The following CEP128 variants were observed in gnomAD, a reference collection of about 807,000 sequenced individuals.
CEP128 encodes the protein centrosomal protein 128kDa.
In CEP128, 132 loss-of-function variants were observed where a neutral mutation model predicts 156.7. The observed-to-expected ratio is 0.84, with a 90% confidence interval of 0.73 to 0.97. The LOEUF (loss-of-function observed/expected upper bound fraction) is 0.97, where lower values mean the gene tolerates loss of function less well. Among genes scored for constraint, CEP128 ranks in the 50% least tolerant of loss-of-function variants. The probability of loss-of-function intolerance (pLI) is 0.00; values close to 1 mark genes in which losing one functional copy is unlikely to be tolerated. For missense variants in CEP128, 1,252 were observed against 1,281.9 expected (o/e 0.98, Z 0.36); for synonymous variants, 469 against 448.9 (o/e 1.04, Z -0.57).
chr14:80,765,116 G>A (rs566040365), intron 16 of CEP128, among the ~76,000 whole-genome samples: 18 of 152,302 alleles, frequency 1.2e-4, no homozygotes, highest in African/African-American at 4.1e-4. Flanking sequence ...GGCTAAGATC[G>A]AGTGTGGAGA....
intron 19 of CEP128, among the ~76,000 whole-genome samples, chr14:80,669,826 G>T (rs1477386465): frequency 6.6e-6 from 1 of 152,098 alleles, no homozygotes; most frequent in Non-Finnish European, 1.5e-5. Flanking sequence ...TGCCATTCTT[G>T]CATGGCTACA....
At chr14:80,701,370 C>A (rs1353360148) in intron 19 of CEP128, among the ~76,000 whole-genome samples, 1 of 152,120 alleles carries the variant, frequency 6.6e-6, no homozygotes, top group Non-Finnish European at 1.5e-5. Context: ...GAGTGAAGAT[C>A]AAGCTGGCCA....
chr14:80,880,938 T>A (rs557486515), intron 8 of CEP128, among the ~76,000 whole-genome samples: 1 of 143,466 alleles, frequency 7.0e-6, no homozygotes, highest in Non-Finnish European at 1.5e-5. Context: ...AATCAACACA[T>A]AGAAATTACT....
At chr14:80,534,240 A>C (rs1301875113) in intron 21 of CEP128, among the ~76,000 whole-genome samples, 1 of 150,764 alleles carries the variant, frequency 6.6e-6, no homozygotes, top group Non-Finnish European at 1.5e-5. Context: ...TTTTTTTTTA[A>C]TTTAAGATTG....
At chr14:80,790,748 C>T (rs1290373373) in intron 14 of CEP128, among the ~76,000 whole-genome samples, 1 of 151,646 alleles carries the variant, frequency 6.6e-6, no homozygotes, top group Non-Finnish European at 1.5e-5. Flanking sequence ...AGCTTTTTGC[C>T]GTTTTGTATA....
At chr14:80,512,563 G>C (rs1481469580) in intron 23 of CEP128, among the ~76,000 whole-genome samples, 1 of 151,744 alleles carries the variant, frequency 6.6e-6, no homozygotes, top group East Asian at 1.9e-4. Context: ...CTTCTGATTG[G>C]AGAATTTAGT....
intron 19 of CEP128, among the ~76,000 whole-genome samples, chr14:80,593,178 A>G (rs1892155323): frequency 6.6e-6 from 1 of 152,182 alleles, no homozygotes; most frequent in Non-Finnish European, 1.5e-5. Flanking sequence ...TACCAGAAAT[A>G]AATGGTATTC....
chr14:80,722,473 T>A (rs1284064714), intron 19 of CEP128, among the ~76,000 whole-genome samples: 1 of 152,002 alleles, frequency 6.6e-6, no homozygotes, highest in East Asian at 1.9e-4. Flanking sequence ...CACTAACATA[T>A]GTATATGTGA....
chr14:80,678,621 T>C (rs1275000228), intron 19 of CEP128, among the ~76,000 whole-genome samples: 1 of 152,160 alleles, frequency 6.6e-6, no homozygotes, highest in Admixed American at 6.5e-5. Context: ...AAACAGCTGG[T>C]AACAGTGAAT....
chr14:80,729,127 G>GTGTGT (rs1222842349), intron 19 of CEP128, among the ~76,000 whole-genome samples: 17 of 115,114 alleles, frequency 1.5e-4, no homozygotes, highest in African/African-American at 4.7e-4. Flanking sequence ...GTGTGTGTGT[G>GTGTGT]TTTACCCAGT....
intron 19 of CEP128, among the ~76,000 whole-genome samples, chr14:80,640,641 T>A (rs1412427462): frequency 1.3e-5 from 2 of 152,188 alleles, no homozygotes; most frequent in East Asian, 3.9e-4. Context: ...ATGTGAATCC[T>A]CTCCAGGGTT....
chr14:80,767,677 A>G (rs183409275), intron 16 of CEP128, among the ~76,000 whole-genome samples: 142 of 152,246 alleles, frequency 9.3e-4, no homozygotes, highest in Non-Finnish European at 1.3e-3. Flanking sequence ...GTTCTTGCAC[A>G]GGAATATTAG....
chr14:80,669,666 A>C (rs939718358), intron 19 of CEP128, among the ~76,000 whole-genome samples: 2 of 152,166 alleles, frequency 1.3e-5, no homozygotes, highest in African/African-American at 4.8e-5. Flanking sequence ...AAAAAATAGC[A>C]ATGTTGGCAA....
chr14:80,910,181 G>A (rs376589214), intron 4 of CEP128, among the ~76,000 whole-genome samples: 1 of 152,108 alleles, frequency 6.6e-6, no homozygotes, highest in East Asian at 1.9e-4. Flanking sequence ...TAAAGATTAG[G>A]TCTATTCTTT....
At chr14:80,655,200 T>G (rs1173841649) in intron 19 of CEP128, among the ~76,000 whole-genome samples, 1 of 152,210 alleles carries the variant, frequency 6.6e-6, no homozygotes, top group East Asian at 1.9e-4. Context: ...CAAGACATTA[T>G]ACAGTGGAAT....
intron 21 of CEP128, among the ~76,000 whole-genome samples, chr14:80,558,860 C>T (rs972149032): frequency 6.6e-6 from 1 of 152,178 alleles, no homozygotes; most frequent in Admixed American, 6.5e-5. Context: ...CTTTTTGTGA[C>T]ACTGGTGAAA....
At position 80,743,169 on chromosome 14, in the gene CEP128, A is replaced by G. The variant is rs754485072; in HGVS notation, c.2712T>C (p.Asn904=). 1 of 1,613,764 alleles carries G rather than the reference A, an allele frequency of 6.2e-7. No homozygotes were observed. Among genetic ancestry groups the G allele is most frequent in the South Asian group, 1.1e-5 (1 of 91,072 alleles). ...ACTCAGATTCCTTGTTTTCAGTCAA[A>G]TTCCTGAGTTGTTGTCTGCAGAGCA... ...QLMLCRQQLR[N]LTENKESELQ... The change falls in exon 19 of 25, where the codon AAT becomes AAC. Residue 904 remains asparagine (N), a synonymous_variant. Coordinates refer to ENST00000555265, the MANE Select transcript of CEP128 (RefSeq NM_152446.5).
chr14:80,934,793 T>C (rs1885689009), intron 2 of CEP128, among the ~76,000 whole-genome samples: 1 of 152,040 alleles, frequency 6.6e-6, no homozygotes, highest in Admixed American at 6.6e-5. Flanking sequence ...ACTGGAAACA[T>C]ATATAAACCA....
chr14:80,957,456 T>C (rs1299909428), intron 2 of CEP128, among the ~76,000 whole-genome samples: 1 of 120,578 alleles, frequency 8.3e-6, no homozygotes, highest in Non-Finnish European at 1.7e-5. Context: ...ACTTAGACAC[T>C]CAGAAAAAAC....
Sources: gnomAD v4.1 joint callset for allele counts (sites outside exome capture counted in the v4.1 genomes callset) on GRCh38, gnomAD v4.1.1 for gene constraint, MANE v1.5 for transcripts, NCBI Gene and HGNC (gene_info 2026-07-23, HGNC 2026-07-21) for gene names.